Variants in CDH13 observed in about 807,000 individuals in gnomAD.
CDH13 encodes the protein cadherin 13, also known as cadherin-13.
CDH13 carries 24 observed loss-of-function variants against 63.8 expected under a neutral mutation model. That is an observed-to-expected ratio of 0.38 (90% CI 0.27 to 0.53). The LOEUF (loss-of-function observed/expected upper bound fraction) is 0.53, where lower values mean the gene tolerates loss of function less well. Ranked by LOEUF, CDH13 falls within the 20% of genes least tolerant of loss-of-function variation. The probability of loss-of-function intolerance (pLI) is 0.85; values close to 1 mark genes in which losing one functional copy is unlikely to be tolerated. For synonymous variants in CDH13, 503 were observed against 355.3 expected, an observed-to-expected ratio of 1.42 and a Z score of -4.67; for missense variants, 1,049 against 903.1, an observed-to-expected ratio of 1.16 and a Z score of -2.07.
intron 1 of CDH13, among the ~76,000 whole-genome samples, chr16:82,810,368 G>A (rs2037380676): frequency 6.6e-6 from 1 of 152,174 alleles, no homozygotes; most frequent in Non-Finnish European, 1.5e-5. Context: ...GGATCTGTCA[G>A]CCAGGGAGAG....
At chr16:83,006,859 A>G (rs1016180386) in intron 2 of CDH13, among the ~76,000 whole-genome samples, 4 of 151,718 alleles carry the variant, frequency 2.6e-5, no homozygotes, top group Non-Finnish European at 5.9e-5. Flanking sequence ...TGCCACTAAA[A>G]TTTTGCACAT....
At chr16:82,902,892 G>C (rs187067641) in intron 2 of CDH13, among the ~76,000 whole-genome samples, 1 of 152,274 alleles carries the variant, frequency 6.6e-6, no homozygotes, top group East Asian at 1.9e-4. Flanking sequence ...CATCAGTATG[G>C]AAAGGGCGAA....
chr16:83,057,090 C>T (rs2031024385), intron 3 of CDH13, among the ~76,000 whole-genome samples: 1 of 152,152 alleles, frequency 6.6e-6, no homozygotes, highest in Non-Finnish European at 1.5e-5. Flanking sequence ...CCTCAGCCTC[C>T]TAAGTAGCTG....
rs1908750927 is a variant in CDH13 at position 82,637,122 on chromosome 16, C to T, written c.45+9985C>T. ...CATTATCACTTACAAGGAAACAGGACCTTTGGCCAGGATCCTACAGCTGTC... is the reference window on the plus strand; with the variant it reads ...CATTATCACTTACAAGGAAACAGGATCTTTGGCCAGGATCCTACAGCTGTC... On this transcript the variant is annotated intron_variant, in intron 1 of 13. Transcript: ENST00000567109. Among the ~76,000 whole-genome samples the T allele has an allele frequency of 2.0e-5, 3 of 152,182 alleles. No individual in the cohort carries two copies. The South Asian group carries it at 6.2e-4, about 31-fold the overall frequency.
At chr16:82,738,721 T>G (rs1198276439) in intron 1 of CDH13, among the ~76,000 whole-genome samples, 1 of 152,240 alleles carries the variant, frequency 6.6e-6, no homozygotes, top group Non-Finnish European at 1.5e-5. Context: ...CATTCTCTAG[T>G]GCATTTGGGG....
At chr16:83,491,357 C>A (rs901624002) in intron 7 of CDH13, among the ~76,000 whole-genome samples, 3 of 152,170 alleles carry the variant, frequency 2.0e-5, no homozygotes, top group Non-Finnish European at 2.9e-5. Context: ...TATAGCCATA[C>A]TTAGCCCCCC....
intron 7 of CDH13, among the ~76,000 whole-genome samples, chr16:83,513,054 G>A (rs1236733565): frequency 6.6e-6 from 1 of 151,996 alleles, no homozygotes; most frequent in African/African-American, 2.4e-5. Context: ...AAGTGTCTTT[G>A]GGTTGAATCT....
rs116274655 is a variant in CDH13, at chr16:83,353,177, A to G, written c.781+8171A>G. ...AAAGCCAAGACGTCAGCACTCTGCC[A>G]CATGTCCGTGTAACGAAACTGCACT... On this transcript the variant is annotated intron_variant, in intron 6 of 13. Transcript: ENST00000567109. 5.0e-3 allele frequency among the ~76,000 whole-genome samples: 759 copies of G among 152,390 alleles called. 5 individuals carry two copies. The highest frequency in any genetic ancestry group is 0.017 in the African/African-American group (721 of 41,594).
chr16:83,093,031 T>C (rs1461236371), intron 3 of CDH13, among the ~76,000 whole-genome samples: 1 of 152,212 alleles, frequency 6.6e-6, no homozygotes, highest in East Asian at 1.9e-4. Context: ...GGTTATAAAA[T>C]ACCTTATTTT....
chr16:82,857,534 C>T (rs1055154451), intron 1 of CDH13, among the ~76,000 whole-genome samples: 1 of 152,174 alleles, frequency 6.6e-6, no homozygotes, highest in Non-Finnish European at 1.5e-5. Context: ...TCGTATACAT[C>T]TCATACATTA....
intron 1 of CDH13, among the ~76,000 whole-genome samples, chr16:82,745,360 A>G (rs1003272105): frequency 1.3e-5 from 2 of 152,222 alleles, no homozygotes; most frequent in Non-Finnish European, 2.9e-5. Flanking sequence ...ATTTTTCTCC[A>G]TTAATAGAGT....
chr16:83,498,492 G>C (rs966070371), intron 7 of CDH13, among the ~76,000 whole-genome samples: 1 of 152,166 alleles, frequency 6.6e-6, no homozygotes, highest in Non-Finnish European at 1.5e-5. Flanking sequence ...TGATAACAAA[G>C]AAACTGAAAG....
intron 5 of CDH13, among the ~76,000 whole-genome samples, chr16:83,242,868 C>G (rs1904602834): frequency 6.6e-6 from 1 of 152,180 alleles, no homozygotes; most frequent in Non-Finnish European, 1.5e-5. Flanking sequence ...CAGCTGGATT[C>G]TCATCTTCTC....
At chr16:83,390,059 CCAGA>C (rs779150965) in intron 6 of CDH13, among the ~76,000 whole-genome samples, 6 of 130,696 alleles carry the variant, frequency 4.6e-5, no homozygotes, top group Non-Finnish European at 7.6e-5. Flanking sequence ...TGTAATTTTC[CCAGA>C]AAAAAAAATG....
intron 2 of CDH13, among the ~76,000 whole-genome samples, chr16:82,891,744 T>G (rs1175712511): frequency 6.6e-6 from 1 of 152,134 alleles, no homozygotes; most frequent in Non-Finnish European, 1.5e-5. Flanking sequence ...ACATCACACT[T>G]TGGGTTTCCA....
At chr16:83,557,002 C>T (rs1042836854) in intron 7 of CDH13, among the ~76,000 whole-genome samples, 1 of 152,248 alleles carries the variant, frequency 6.6e-6, no homozygotes, top group South Asian at 2.1e-4. Flanking sequence ...CCAGGCCCCA[C>T]AGCAGGAGAG....
At chr16:82,973,826 A>G (rs777566646) in intron 2 of CDH13, among the ~76,000 whole-genome samples, 1 of 152,212 alleles carries the variant, frequency 6.6e-6, no homozygotes, top group Admixed American at 6.5e-5. Flanking sequence ...TACAAAATGC[A>G]TGTTGCAGTT....
intron 1 of CDH13, among the ~76,000 whole-genome samples, chr16:82,682,029 G>C (rs1914605180): frequency 6.6e-6 from 1 of 152,180 alleles, no homozygotes; most frequent in Non-Finnish European, 1.5e-5. Flanking sequence ...GGGCTCTCAA[G>C]CCCTTGGCTC....
chr16:82,697,739 T>TTGTGTG (rs56791322), intron 1 of CDH13, among the ~76,000 whole-genome samples: 22 of 146,688 alleles, frequency 1.5e-4, no homozygotes, highest in African/African-American at 5.5e-4. Flanking sequence ...GGCCGAGGCA[T>TTGTGTG]TGTGTGTGTG....
Sources: allele counts gnomAD v4.1 joint callset (sites outside exome capture counted in the v4.1 genomes callset), GRCh38; gene constraint gnomAD v4.1.1; transcripts MANE v1.5; gene names NCBI Gene and HGNC (gene_info 2026-07-23, HGNC 2026-07-21).